The following SLC24A5 variants were observed in gnomAD, a reference collection of about 807,000 sequenced individuals.
SLC24A5 encodes the protein sodium/potassium/calcium exchanger 5.
A neutral mutation model predicts 51.6 loss-of-function variants in SLC24A5; 46 were observed. The ratio of observed to expected loss-of-function variants is 0.89; its 90% CI spans 0.70 to 1.14. The LOEUF (loss-of-function observed/expected upper bound fraction) is 1.14, where lower values mean the gene tolerates loss of function less well. Among genes scored for constraint, SLC24A5 ranks in the 50% most tolerant of loss-of-function variants. The probability of loss-of-function intolerance (pLI) is 0.00; values close to 1 mark genes in which losing one functional copy is unlikely to be tolerated. For synonymous variants in SLC24A5, 230 were observed against 214.9 expected, an observed-to-expected ratio of 1.07 and a Z score of -0.62; for missense variants, 581 against 604.1, an observed-to-expected ratio of 0.96 and a Z score of 0.40.
In SLC24A5 at chr15:48,142,427, T is replaced by C; in HGVS notation, c.*76T>C. The C allele has an allele frequency of 8.8e-7, 1 of 1,133,064 alleles. No homozygotes were observed. Among genetic ancestry groups the C allele is most frequent in the South Asian group, 2.1e-5 (1 of 47,478 alleles). The allele number at this position is 1,133,064 out of a possible 1,614,324, so 70.2% of individuals were successfully genotyped here. A position where few individuals can be genotyped will look rare whatever the true frequency, so the allele number is the denominator to read the frequency against. ...AGAAAAATCCATTTCTTCATTTAAA[T>C]CAAATTTTAAAAATCTTGAACCTTA... On this transcript the variant is annotated 3_prime_UTR_variant, in exon 9 of 9. Coordinates refer to ENST00000341459, the MANE Select transcript of SLC24A5 (RefSeq NM_205850.3).
intron 2 of SLC24A5, among the ~76,000 whole-genome samples, chr15:48,133,887 T>C (rs2038829180): frequency 6.9e-6 from 1 of 144,508 alleles, no homozygotes; most frequent in African/African-American, 2.4e-5. Flanking sequence ...TCTAAAAAAC[T>C]AACATCTTTT....
At chr15:48,123,849 G>C (rs988401875) in intron 2 of SLC24A5, 2 of 151,952 alleles carry the variant, frequency 1.3e-5, no homozygotes, top group Non-Finnish European at 2.9e-5. Context: ...AAATATCCTT[G>C]GTTGCTTTAA....
At chr15:48,141,292 C>A in intron 8 of SLC24A5, 78 bp downstream of exon 8, 1 of 1,246,404 alleles carries the variant, frequency 8.0e-7, no homozygotes, top group Non-Finnish European at 1.2e-6. Context: ...AAAATGTTTA[C>A]TTCCAGCCGG....
At position 48,136,771 on chromosome 15, in the gene SLC24A5, A is replaced by G; in HGVS notation, c.679A>G (p.Lys227Glu). ...DIKINQYIIK[K>E]CSPCCACLAK... ...TAAAATTAACCAATATATTATAAAG[A>G]AATGCAGTCCTTGCTGCGCCTGTCT... Residue 227 changes from lysine (K) to glutamate (E), a missense_variant, in exon 6 of 9, where the codon AAA (lysine) becomes GAA (glutamate). Coordinates refer to ENST00000341459, the MANE Select transcript of SLC24A5 (RefSeq NM_205850.3). 1.2e-6 allele frequency: 2 copies of G among 1,613,698 alleles called. No individual in the cohort carries two copies. The highest frequency in any genetic ancestry group is 1.7e-6 in the Non-Finnish European group (2 of 1,179,814).
intron 5 of SLC24A5, chr15:48,135,385 G>A (rs1234951445): frequency 6.5e-6 from 1 of 154,798 alleles, no homozygotes; most frequent in African/African-American, 2.4e-5. Context: ...GATGGTAGAG[G>A]AAGTAAAAGA....
chr15:48,122,186 C>A, intron 2 of SLC24A5, 150 bp downstream of exon 2: 1 of 791,558 alleles, frequency 1.3e-6, no homozygotes, highest in Non-Finnish European at 2.2e-6. Flanking sequence ...TCTTAAGGAA[C>A]TGGTCGAGTG....
At chr15:48,140,284 C>T (rs2039022975) in intron 7 of SLC24A5, 1 of 151,344 alleles carries the variant, frequency 6.6e-6, no homozygotes, top group Admixed American at 6.6e-5. Flanking sequence ...AAGCCAGTAA[C>T]AGAAATTAAC....
chr15:48,141,974 T>G, intron 8 of SLC24A5, 55 bp from the exon 9 acceptor site: 1 of 1,256,412 alleles, frequency 8.0e-7, no homozygotes, highest in Non-Finnish European at 1.1e-6. Context: ...ATGAAGATTA[T>G]TAATAAAACA....
At position 48,122,064 on chromosome 15, in the gene SLC24A5, C is replaced by T. The variant is rs761970836; in HGVS notation, c.301+28C>T. The stretch of plus-strand genomic sequence containing the variant: ...AAGTGGCTGGAAAGTTGCCCTGTAA[C>T]CTTCTGGGAGAGTGTGCCACACAGA... On this transcript the variant is annotated intron_variant, in intron 2 of 8. Coordinates refer to ENST00000341459, the MANE Select transcript of SLC24A5 (RefSeq NM_205850.3). The T allele has an allele frequency of 1.9e-6, 3 of 1,609,488 alleles. No individual in the cohort carries two copies. The African/African-American group carries it at 4.0e-5, about 21-fold the overall frequency.
chr15:48,129,842 T>C (rs1053985655), intron 2 of SLC24A5, among the ~76,000 whole-genome samples: 2 of 151,970 alleles, frequency 1.3e-5, no homozygotes, highest in African/African-American at 2.4e-5. Flanking sequence ...ACCTTAAAGA[T>C]TGTGTGGTCT....
At chr15:48,127,269 C>T (rs781778045) in intron 2 of SLC24A5, among the ~76,000 whole-genome samples, 4 of 152,148 alleles carry the variant, frequency 2.6e-5, no homozygotes, top group Non-Finnish European at 5.9e-5. Context: ...TTCATTGTTA[C>T]ATAAGAACAG....
At chr15:48,127,812 G>A (rs1287360342) in intron 2 of SLC24A5, among the ~76,000 whole-genome samples, 2 of 151,996 alleles carry the variant, frequency 1.3e-5, no homozygotes, top group African/African-American at 4.8e-5. Flanking sequence ...AACAGAGCAA[G>A]ACTCCATCTC....
intron 2 of SLC24A5, 133 bp from the exon 3 acceptor site, chr15:48,134,125 A>C (rs1290095556): frequency 1.3e-6 from 1 of 745,488 alleles, no homozygotes; most frequent in Non-Finnish European, 2.2e-6. Flanking sequence ...GACTCTTTTA[A>C]TCTGTGTATT....
At chr15:48,125,510 C>A (rs1002986391) in intron 2 of SLC24A5, among the ~76,000 whole-genome samples, 1 of 151,958 alleles carries the variant, frequency 6.6e-6, no homozygotes, top group African/African-American at 2.4e-5. Flanking sequence ...GTTTGAGATT[C>A]GTTGCTAGAA....
rs199764262 is a variant in SLC24A5 at position 48,121,072 on chromosome 15, G to A, written c.28G>A (p.Ala10Thr). Residue 10 changes from alanine to threonine, a missense_variant, in exon 1 of 9, where the codon GCG becomes ACG. Transcript: ENST00000341459. MQTKGGQTW[A>T]RRALLLGILW... Reference sequence around the variant, plus strand: ...GCAGACAAAAGGGGGCCAAACATGGGCGAGAAGGGCTCTGTTGCTCGGCAT... The same window carrying A: ...GCAGACAAAAGGGGGCCAAACATGGACGAGAAGGGCTCTGTTGCTCGGCAT... 2 of 1,613,828 alleles carry A rather than the reference G, an allele frequency of 1.2e-6. No individual in the cohort carries two copies. Among genetic ancestry groups the A allele is most frequent in the African/African-American group, 2.7e-5 (2 of 74,920 alleles).
rs780337320 is a variant in SLC24A5 at position 48,142,328 on chromosome 15, A to AAT, written c.1481_1482insTA (p.Lys494AsnfsTer3). On this transcript the variant is annotated frameshift_variant, in exon 9 of 9. Transcript: ENST00000341459. LOFTEE classifies it high-confidence loss of function. ...TGAACTTGGAATTATTGGAAATAAT[A>AAT]AAATAAGGGGCTGTGGAGGTTGATA... is the stretch of plus-strand genomic sequence containing the variant. The AAT allele has an allele frequency of 6.2e-7, 1 of 1,607,024 alleles. No homozygotes were observed. Among genetic ancestry groups the AAT allele is most frequent in the South Asian group, 1.1e-5 (1 of 90,344 alleles).
intron 1 of SLC24A5, among the ~76,000 whole-genome samples, chr15:48,121,376 G>C (rs1184999068): frequency 6.6e-6 from 1 of 152,170 alleles, no homozygotes; most frequent in Non-Finnish European, 1.5e-5. Flanking sequence ...GATCATAGTA[G>C]GCCAAGTCTC....
At chr15:48,134,144 C>T in intron 2 of SLC24A5, 114 bp from the exon 3 acceptor site, 2 of 849,600 alleles carry the variant, frequency 2.4e-6, no homozygotes, top group Non-Finnish European at 3.8e-6. Flanking sequence ...TTTTATTTTT[C>T]TAGTTTAATA....
At chr15:48,130,509 T>G (rs1420772471) in intron 2 of SLC24A5, among the ~76,000 whole-genome samples, 1 of 152,186 alleles carries the variant, frequency 6.6e-6, no homozygotes, top group Non-Finnish European at 1.5e-5. Flanking sequence ...GACCACCTGT[T>G]GTCCTTCCTT....
Sources: gnomAD v4.1 joint callset for allele counts (sites outside exome capture counted in the v4.1 genomes callset) on GRCh38, gnomAD v4.1.1 for gene constraint, MANE v1.5 for transcripts, NCBI Gene and HGNC (gene_info 2026-07-23, HGNC 2026-07-21) for gene names.